SDK1: variants seen among roughly 807,000 people sequenced by gnomAD.
The protein encoded by SDK1 is sidekick cell adhesion molecule 1, also known as protein sidekick-1.
A neutral mutation model predicts 245.5 loss-of-function variants in SDK1; 157 were observed. The ratio of observed to expected loss-of-function variants is 0.64; its 90% confidence interval spans 0.56 to 0.73. SDK1 has a LOEUF of 0.73. Among genes scored for constraint, SDK1 ranks in the 30% least tolerant of loss-of-function variants. The pLI is 0.00. For missense variants in SDK1, 3,583 were observed against 3,002.3 expected, an observed-to-expected ratio of 1.19 and a Z score of -4.52; for synonymous variants, 1,647 against 1,278.5, an observed-to-expected ratio of 1.29 and a Z score of -6.15.
intron 2 of SDK1, among the ~76,000 whole-genome samples, chr7:3,628,117 A>C (rs1372473899): frequency 6.6e-6 from 1 of 151,946 alleles, no homozygotes; most frequent in African/African-American, 2.4e-5. Flanking sequence ...TGACATCTTC[A>C]TTTTCCGGAT....
rs1428664378 is a variant in SDK1, at chr7:4,209,671, G to A, written c.5402-354G>A. On this transcript the variant is annotated intron_variant, in intron 37 of 44. Coordinates refer to ENST00000404826, the MANE Select transcript of SDK1 (RefSeq NM_152744.4). ...AGCTCCGTCTCTCCGGCAAAGAGCA[G>A]GACTAGAGCTTCTGGAATCCTCCAG... Among the ~76,000 whole-genome samples, 4 of 152,136 alleles carry A rather than the reference G, an allele frequency of 2.6e-5. 1 individual carries two copies. The East Asian group carries it at 7.7e-4, about 29-fold the overall frequency.
At position 3,825,476 on chromosome 7, in the gene SDK1, A is replaced by G. The variant is rs542707739; in HGVS notation, c.847+3893A>G. Among the ~76,000 whole-genome samples, 8 of 152,272 alleles carry G rather than the reference A, an allele frequency of 5.3e-5. No individual in the cohort carries two copies. In the East Asian group the frequency reaches 1.5e-3, roughly 29 times the overall value. On this transcript the variant is annotated intron_variant, in intron 5 of 44. Coordinates refer to ENST00000404826, the MANE Select transcript of SDK1 (RefSeq NM_152744.4). ...AATGTAATGAGATTCTCTACTAGGG[A>G]TGAAGCTTGGATTAAAAAGAAATGA...
At chr7:4,094,732 A>G (rs537391308) in intron 22 of SDK1, among the ~76,000 whole-genome samples, 9 of 152,274 alleles carry the variant, frequency 5.9e-5, no homozygotes, top group Admixed American at 3.3e-4. Flanking sequence ...AGCGAGAGAA[A>G]GTGAGGTGTG....
chr7:4,111,449 T>G (rs1783338809), intron 23 of SDK1, among the ~76,000 whole-genome samples: 1 of 152,114 alleles, frequency 6.6e-6, no homozygotes, highest in African/African-American at 2.4e-5. Context: ...GAATAGGAAT[T>G]AGTAATTCAG....
chr7:4,075,637 T>G (rs986378739), intron 20 of SDK1, among the ~76,000 whole-genome samples: 2 of 151,688 alleles, frequency 1.3e-5, no homozygotes, highest in Non-Finnish European at 2.9e-5. Context: ...ATTCAGGAGC[T>G]AGTTGGGTCT....
chr7:3,513,429 G>C (rs1782643483), intron 1 of SDK1, among the ~76,000 whole-genome samples: 1 of 152,082 alleles, frequency 6.6e-6, no homozygotes, highest in African/African-American at 2.4e-5. Flanking sequence ...GTAAAATATA[G>C]ACGTTAATAT....
chr7:3,738,594 A>T (rs577600816), intron 4 of SDK1, among the ~76,000 whole-genome samples: 2 of 152,316 alleles, frequency 1.3e-5, no homozygotes, highest in African/African-American at 4.8e-5. Flanking sequence ...GAATTTTAGC[A>T]GGATTGTATT....
intron 44 of SDK1, among the ~76,000 whole-genome samples, chr7:4,258,172 A>G (rs1787743201): frequency 6.6e-6 from 1 of 152,230 alleles, no homozygotes; most frequent in African/African-American, 2.4e-5. Context: ...AGGAAATGGT[A>G]TAAACACGCA....
intron 5 of SDK1, among the ~76,000 whole-genome samples, chr7:3,871,093 G>A (rs1363103771): frequency 6.6e-6 from 1 of 150,692 alleles, no homozygotes; most frequent in Non-Finnish European, 1.5e-5. Flanking sequence ...ATTTTGTAGT[G>A]TTTAGCAGAT....
intron 1 of SDK1, among the ~76,000 whole-genome samples, chr7:3,550,708 T>C (rs1779374730): frequency 6.6e-6 from 1 of 152,218 alleles, no homozygotes; most frequent in African/African-American, 2.4e-5. Context: ...AAAGTAAAAA[T>C]TGAAATGCTT....
rs548580141 is a variant in SDK1, at chr7:3,622,350, G to A, written c.458+3111G>A. Among the ~76,000 whole-genome samples, 4 of 152,090 alleles carry A rather than the reference G, an allele frequency of 2.6e-5. No individual in the cohort carries two copies. The East Asian group carries it at 5.8e-4, about 22-fold the overall frequency. On this transcript the variant is annotated intron_variant, in intron 2 of 44. Transcript: ENST00000404826. ...ACAAAAATTAGCCAGGCATGGTGGC[G>A]CATGCCTGTAATCCCAGCTACTTGG...
intron 1 of SDK1, among the ~76,000 whole-genome samples, chr7:3,456,974 C>G (rs1780688609): frequency 6.6e-6 from 1 of 152,288 alleles, no homozygotes; most frequent in Admixed American, 6.5e-5. Flanking sequence ...GCCGATAGGA[C>G]TCCCCCGATC....
At chr7:3,529,027 A>T (rs553841987) in intron 1 of SDK1, among the ~76,000 whole-genome samples, 1 of 152,264 alleles carries the variant, frequency 6.6e-6, no homozygotes, top group Non-Finnish European at 1.5e-5. Flanking sequence ...CATGCAGGGG[A>T]TTGAACAAAT....
At chr7:4,096,891 TGTAAGGATCTGTA>T (rs1782182952) in intron 22 of SDK1, among the ~76,000 whole-genome samples, 1 of 152,168 alleles carries the variant, frequency 6.6e-6, no homozygotes, top group South Asian at 2.1e-4. Context: ...CCCCAGTGAC[TGTAAGGATCTGTA>T]GCCCAGGAAG....
chr7:3,591,156 C>G (rs1344904134), intron 1 of SDK1, among the ~76,000 whole-genome samples: 1 of 152,174 alleles, frequency 6.6e-6, no homozygotes, highest in Non-Finnish European at 1.5e-5. Context: ...ATGAAGGCAG[C>G]TCCTATCAAC....
chr7:3,570,571 C>G (rs192695738), intron 1 of SDK1, among the ~76,000 whole-genome samples: 4 of 152,254 alleles, frequency 2.6e-5, no homozygotes, highest in African/African-American at 7.2e-5. Flanking sequence ...TACTCCATTA[C>G]TCTTTCAAGA....
intron 1 of SDK1, among the ~76,000 whole-genome samples, chr7:3,561,614 A>C (rs1779754654): frequency 6.6e-6 from 1 of 152,188 alleles, no homozygotes; most frequent in Admixed American, 6.5e-5. Flanking sequence ...TCAGTAAATA[A>C]TTTCTGAATC....
chr7:4,245,036 T>G (rs773622225), intron 43 of SDK1, among the ~76,000 whole-genome samples: 8 of 152,110 alleles, frequency 5.3e-5, no homozygotes, highest in Non-Finnish European at 1.2e-4. Context: ...CTTCACCCAT[T>G]CCATTTAATG....
intron 5 of SDK1, among the ~76,000 whole-genome samples, chr7:3,894,057 G>A (rs1056554796): frequency 6.6e-6 from 1 of 152,134 alleles, no homozygotes; most frequent in African/African-American, 2.4e-5. Flanking sequence ...AATGTCTCCC[G>A]AGATTCCCCA....
Sources: allele counts gnomAD v4.1 joint callset (sites outside exome capture counted in the v4.1 genomes callset), GRCh38; gene constraint gnomAD v4.1.1; transcripts MANE v1.5; gene names NCBI Gene and HGNC (gene_info 2026-07-23, HGNC 2026-07-21).